LILRB3: variants seen among roughly 807,000 people sequenced by gnomAD.
LILRB3 encodes the protein leukocyte immunoglobulin like receptor B3, also known as leukocyte immunoglobulin-like receptor subfamily B member 3.
In LILRB3, 32 loss-of-function variants were observed where a neutral mutation model predicts 68.2. The ratio of observed to expected loss-of-function variants is 0.47; its 90% CI spans 0.35 to 0.63. The LOEUF is 0.63. Among genes scored for constraint, LILRB3 ranks in the 30% least tolerant of loss-of-function variants. The pLI is 0.00. For missense variants in LILRB3, 502 were observed against 791.3 expected (o/e 0.63, Z 4.39); for synonymous variants, 185 against 323.1 (o/e 0.57, Z 4.58).
At chr19:54,220,066 C>T (rs1391252859) in intron 7 of LILRB3, 89 bp downstream of exon 7, 17 of 1,422,744 alleles carry the variant, frequency 1.2e-5, no homozygotes, top group East Asian at 5.2e-5. Context: ...GACACAAGCC[C>T]GTCCTTGAGG....
chr19:54,222,865 C>G (rs1342009430), intron 1 of LILRB3, 78 bp downstream of exon 1: 2 of 1,612,552 alleles, frequency 1.2e-6, no homozygotes, highest in East Asian at 4.5e-5. Context: ...TTTGAGGTCT[C>G]CTGATGGACC....
chr19:54,218,806 C>T (rs776494696), exon 9 of LILRB3: 1 of 1,614,138 alleles, frequency 6.2e-7, no homozygotes. Context: ...TCCGCAGCCC[C>T]TGCAGGACGC....
At chr19:54,217,897 C>T (rs1473165357) in intron 11 of LILRB3, among the ~76,000 whole-genome samples, 7 of 151,992 alleles carry the variant, frequency 4.6e-5, no homozygotes, top group South Asian at 2.1e-4. Context: ...CCTTACAGCA[C>T]GTTGCACTCC....
chr19:54,216,650 TATA>T (rs1201263722), exon 13 of LILRB3: 3 of 1,027,072 alleles, frequency 2.9e-6, no homozygotes, highest in Non-Finnish European at 2.3e-6. Context: ...AAGTTCGATG[TATA>T]ATATTTACAT....
chr19:54,218,464 G>A (rs375678019), intron 10 of LILRB3, 51 bp from the exon 11 acceptor site: 14 of 1,611,714 alleles, frequency 8.7e-6, no homozygotes, highest in Non-Finnish European at 1.2e-5. Context: ...AGACCTCTCA[G>A]TCCTGCTGGC....
exon 13 of LILRB3, chr19:54,217,075 G>A (rs965519495): frequency 1.2e-6 from 2 of 1,614,012 alleles, no homozygotes; most frequent in Non-Finnish European, 8.5e-7. Flanking sequence ...TGAGTGTGGG[G>A]TCTGCGTACC....
At chr19:54,218,782 C>T (rs1334883403) in exon 9 of LILRB3, 2 of 1,613,938 alleles carry the variant, frequency 1.2e-6, no homozygotes, top group East Asian at 2.2e-5. Context: ...AGGCCCCTGT[C>T]CTTGGGCTCT....
At chr19:54,220,561 A>G (rs1132605) in exon 6 of LILRB3, 237,170 of 1,242,644 alleles carry the variant, frequency 0.19, 25,263 homozygotes, top group African/African-American at 0.39. Context: ...TCACTGGGGA[A>G]AGACAGCAGG....
intron 8 of LILRB3, 121 bp from the exon 9 acceptor site, chr19:54,218,959 T>G: frequency 6.5e-7 from 1 of 1,539,992 alleles, no homozygotes; most frequent in Middle Eastern, 1.7e-4. Flanking sequence ...AAATATTTTA[T>G]GAGATAGAAA....
intron 7 of LILRB3, 114 bp from the exon 8 acceptor site, chr19:54,219,359 C>T: frequency 6.8e-7 from 1 of 1,476,882 alleles, no homozygotes; most frequent in Non-Finnish European, 9.2e-7. Flanking sequence ...AGCAGTCGTG[C>T]AACATGGAAT....
At position 54,216,846 on chromosome 19, in the gene LILRB3, T is replaced by C. The variant is rs185263231; in HGVS notation, c.*247A>G. On this transcript the variant is annotated 3_prime_UTR_variant, in exon 13 of 13. Transcript: ENST00000445347. ...TACCACACCCGGCCTTTACGTCTGT[T>C]TTTGTTTTTTGTTTTTTTGTTATTA... The C allele has an allele frequency of 5.7e-3, 7,872 of 1,383,406 alleles. 29 individuals carry two copies. Among genetic ancestry groups the C allele is most frequent in the Non-Finnish European group, 7.0e-3 (7,462 of 1,066,976 alleles). The allele number at this position is 1,383,406 out of a possible 1,614,324, so 85.7% of individuals were successfully genotyped here.
Position 54,219,976 on chromosome 19 carries a change from G to T in LILRB3, c.1309+179C>A, listed in dbSNP as rs1275913917. Reference sequence around the variant, plus strand: ...CTGTCTTGCCCCCCACATCAGCCCGGCTCCTCCTCCTGGCTGGGCCCCAAC... The same window carrying T: ...CTGTCTTGCCCCCCACATCAGCCCGTCTCCTCCTCCTGGCTGGGCCCCAAC... On this transcript the variant is annotated intron_variant, in intron 7 of 12. Coordinates refer to ENST00000445347, the Ensembl canonical transcript of LILRB3. 34 of 1,283,136 alleles carry T rather than the reference G, an allele frequency of 2.6e-5. 7 individuals carry two copies. The highest frequency in any genetic ancestry group is 1.7e-4 in the African/African-American group (11 of 63,618). 79.5% of individuals were successfully genotyped at this position (1,283,136 alleles called of 1,614,324 possible). A position where few individuals can be genotyped will look rare whatever the true frequency, so the allele number is the denominator to read the frequency against.
intron 7 of LILRB3, chr19:54,219,850 C>A (rs879452023): frequency 6.5e-7 from 1 of 1,547,374 alleles, no homozygotes; most frequent in Non-Finnish European, 8.7e-7. Flanking sequence ...CCATCTCCCA[C>A]TCAGAGCCCC....
At chr19:54,218,809 C>T in exon 9 of LILRB3, 1 of 1,614,120 alleles carries the variant, frequency 6.2e-7, no homozygotes, top group East Asian at 2.2e-5. Context: ...GCAGCCCCTG[C>T]AGGACGCTGG....
exon 13 of LILRB3, chr19:54,217,101 T>A: frequency 6.2e-7 from 1 of 1,614,148 alleles, no homozygotes; most frequent in Non-Finnish European, 8.5e-7. Context: ...GGCTAGTGGA[T>A]GGCCAGAGTG....
At chr19:54,219,287 G>A (rs1289776140) in intron 7 of LILRB3, 42 bp from the exon 8 acceptor site, 5 of 1,519,232 alleles carry the variant, frequency 3.3e-6, no homozygotes, top group South Asian at 2.6e-5. Flanking sequence ...TGTCATTGAT[G>A]TGAGCACCTA....
Position 54,218,605 on chromosome 19 carries a change from T to A in LILRB3, c.1540+40A>T, listed in dbSNP as rs367932667. On this transcript the variant is annotated intron_variant, in intron 10 of 12. Coordinates refer to ENST00000445347, the Ensembl canonical transcript of LILRB3. The stretch of plus-strand genomic sequence containing the variant: ...TGCTACTGAAATTTTGGGACTCCTG[T>A]CTCTCCAGCACCCCCATTTGTCCCC... 13 of 1,613,880 alleles carry A rather than the reference T, an allele frequency of 8.1e-6. No homozygotes were observed. The African/African-American group carries it at 1.7e-4, about 22-fold the overall frequency.
chr19:54,218,606 C>A (rs749577491), intron 10 of LILRB3, 39 bp downstream of exon 10: 2 of 1,614,030 alleles, frequency 1.2e-6, no homozygotes, highest in Non-Finnish European at 1.7e-6. Context: ...GGACTCCTGT[C>A]TCTCCAGCAC....
rs546228203 is a variant in LILRB3, at chr19:54,219,393, C to T, written c.1310-148G>A. 38 of 1,459,682 alleles carry T rather than the reference C, an allele frequency of 2.6e-5. No individual in the cohort carries two copies. In the South Asian group the frequency reaches 4.3e-4, roughly 16 times the overall value. The allele number at this position is 1,459,682 out of a possible 1,614,324, so 90.4% of individuals were successfully genotyped here. On this transcript the variant is annotated intron_variant, in intron 7 of 12. Transcript: ENST00000445347. ...ATTGCCACCCGTACAACCCATTTCA[C>T]AGATGCACAAACTGAGGCTCAGAGC...
Sources: allele counts gnomAD v4.1 joint callset (sites outside exome capture counted in the v4.1 genomes callset), GRCh38; gene constraint gnomAD v4.1.1; transcripts MANE v1.5; gene names NCBI Gene and HGNC (gene_info 2026-07-23, HGNC 2026-07-21).